The following PTPRT variants were observed in gnomAD, a reference collection of about 807,000 sequenced individuals.
PTPRT encodes the protein receptor-type tyrosine-protein phosphatase T.
PTPRT carries 56 observed loss-of-function variants against 176.8 expected under a neutral mutation model. The observed-to-expected ratio is 0.32, with a 90% CI of 0.26 to 0.40. PTPRT has a LOEUF of 0.40. PTPRT is among the 10% of genes least tolerant of loss of function. PTPRT has a pLI of 1.00. For synonymous variants in PTPRT, 783 were observed against 739.0 expected (o/e 1.06, Z -0.96); for missense variants, 1,540 against 1,908.2 (o/e 0.81, Z 3.60).
chr20:42,403,968 A>G (rs1389817274), intron 9 of PTPRT, among the ~76,000 whole-genome samples: 1 of 152,054 alleles, frequency 6.6e-6, no homozygotes, highest in East Asian at 1.9e-4. Flanking sequence ...CCCATTTCCA[A>G]CAAAAGCTCC....
intron 1 of PTPRT, among the ~76,000 whole-genome samples, chr20:43,138,161 A>T (rs1376501026): frequency 6.6e-6 from 1 of 152,230 alleles, no homozygotes; most frequent in African/African-American, 2.4e-5. Flanking sequence ...GAGGCTCTCT[A>T]GGGATTGCCC....
intron 1 of PTPRT, among the ~76,000 whole-genome samples, chr20:43,001,673 A>T (rs1417485713): frequency 6.6e-6 from 1 of 152,168 alleles, no homozygotes; most frequent in African/African-American, 2.4e-5. Flanking sequence ...AGGAAAAAAA[A>T]ATTCTAAGAA....
intron 7 of PTPRT, among the ~76,000 whole-genome samples, chr20:42,555,434 T>C (rs2072843412): frequency 6.6e-6 from 1 of 152,040 alleles, no homozygotes; most frequent in African/African-American, 2.4e-5. Flanking sequence ...TAATAGAACA[T>C]GATGAGTACG....
intron 25 of PTPRT, among the ~76,000 whole-genome samples, chr20:42,103,207 C>T (rs1288065565): frequency 6.6e-6 from 1 of 152,186 alleles, no homozygotes; most frequent in African/African-American, 2.4e-5. Context: ...GATTCATGTC[C>T]AGGCTCCCTA....
At chr20:42,990,763 A>G (rs1048384476) in intron 1 of PTPRT, among the ~76,000 whole-genome samples, 2 of 152,210 alleles carry the variant, frequency 1.3e-5, no homozygotes, top group African/African-American at 4.8e-5. Context: ...ATTTTTCTTT[A>G]TGAAGGGAAT....
intron 1 of PTPRT, among the ~76,000 whole-genome samples, chr20:43,169,075 G>A (rs1339471666): frequency 6.6e-6 from 1 of 152,120 alleles, no homozygotes; most frequent in East Asian, 1.9e-4. Context: ...GCAGGTTTCA[G>A]GCCTTGCCCC....
At chr20:42,091,820 G>A (rs1984651635) in intron 27 of PTPRT, among the ~76,000 whole-genome samples, 1 of 152,122 alleles carries the variant, frequency 6.6e-6, no homozygotes, top group Non-Finnish European at 1.5e-5. Context: ...GAGAGAGAGA[G>A]AGATTCACAC....
chr20:42,599,694 G>C (rs564797957), intron 7 of PTPRT, among the ~76,000 whole-genome samples: 145 of 152,218 alleles, frequency 9.5e-4, no homozygotes, highest in Admixed American at 3.7e-3. Context: ...ACACAGAACT[G>C]GCCGCACATT....
At chr20:43,144,458 C>T (rs529200584) in intron 1 of PTPRT, among the ~76,000 whole-genome samples, 13 of 152,276 alleles carry the variant, frequency 8.5e-5, no homozygotes, top group African/African-American at 2.6e-4. Flanking sequence ...CAATGACTCC[C>T]AACAAGGTCA....
At chr20:42,764,993 A>G (rs1280913956) in intron 5 of PTPRT, among the ~76,000 whole-genome samples, 2 of 152,202 alleles carry the variant, frequency 1.3e-5, no homozygotes, top group African/African-American at 4.8e-5. Flanking sequence ...AACCGGCTGC[A>G]GTAAAGACTG....
chr20:42,631,976 T>C (rs977372604), intron 7 of PTPRT, among the ~76,000 whole-genome samples: 1 of 152,154 alleles, frequency 6.6e-6, no homozygotes, highest in Non-Finnish European at 1.5e-5. Flanking sequence ...ATGTGATTTA[T>C]GGTGAATGCC....
chr20:43,035,391 T>C (rs893998698), intron 1 of PTPRT, among the ~76,000 whole-genome samples: 1 of 152,122 alleles, frequency 6.6e-6, no homozygotes, highest in South Asian at 2.1e-4. Flanking sequence ...ATTTCAGAAT[T>C]TGTGGGCCAT....
chr20:42,470,652 G>A (rs61527253), intron 8 of PTPRT, among the ~76,000 whole-genome samples: 17,291 of 151,958 alleles, frequency 0.11, 1,187 homozygotes, highest in East Asian at 0.2. Flanking sequence ...AGGTAACTGC[G>A]GTGAGCCTGG....
chr20:42,149,988 T>A (rs1275426088), intron 17 of PTPRT, among the ~76,000 whole-genome samples: 1 of 152,188 alleles, frequency 6.6e-6, no homozygotes, highest in Admixed American at 6.5e-5. Context: ...ACTCAGTCCA[T>A]AGGACTATGA....
rs143740639 is a variant in PTPRT, at chr20:43,104,431, G to T, written c.88+85215C>A. On this transcript the variant is annotated intron_variant, in intron 1 of 30. Transcript: ENST00000373187. Reference sequence around the variant, plus strand: ...CATAACAAAGCAGCTAAGAGTCCAGGCTACACCCAGCTTCCAAACCCAATA... The same window carrying T: ...CATAACAAAGCAGCTAAGAGTCCAGTCTACACCCAGCTTCCAAACCCAATA... 2.0e-3 allele frequency among the ~76,000 whole-genome samples: 311 copies of T among 152,198 alleles called. 2 individuals are homozygous for T. Among genetic ancestry groups the T allele is most frequent in the African/African-American group, 7.3e-3 (303 of 41,506 alleles).
chr20:42,997,449 C>T (rs1167072616), intron 1 of PTPRT, among the ~76,000 whole-genome samples: 1 of 152,098 alleles, frequency 6.6e-6, no homozygotes, highest in African/African-American at 2.4e-5. Context: ...AAACTGAGCC[C>T]TCCAGCTCAT....
At chr20:42,903,830 G>C (rs1158318244) in intron 1 of PTPRT, among the ~76,000 whole-genome samples, 1 of 152,106 alleles carries the variant, frequency 6.6e-6, no homozygotes, top group African/African-American at 2.4e-5. Flanking sequence ...TGGTGTCTTG[G>C]GTAGATGTAA....
intron 18 of PTPRT, among the ~76,000 whole-genome samples, chr20:42,141,289 C>A (rs1988613763): frequency 6.6e-6 from 1 of 152,214 alleles, no homozygotes. Context: ...TAGGAGTAGC[C>A]CCGGGCTCCT....
intron 12 of PTPRT, among the ~76,000 whole-genome samples, chr20:42,297,951 C>A (rs974724152): frequency 6.6e-6 from 1 of 151,812 alleles, no homozygotes; most frequent in Non-Finnish European, 1.5e-5. Flanking sequence ...TCCTTTATAG[C>A]CTGAGTGTAA....
Sources: allele counts gnomAD v4.1 joint callset (sites outside exome capture counted in the v4.1 genomes callset), GRCh38; gene constraint gnomAD v4.1.1; transcripts MANE v1.5; gene names NCBI Gene and HGNC (gene_info 2026-07-23, HGNC 2026-07-21).